Variants in ARHGEF28 observed in about 807,000 individuals in gnomAD.
ARHGEF28 encodes the protein Rho guanine nucleotide exchange factor 28.
A neutral mutation model predicts 206.6 loss-of-function variants in ARHGEF28; 152 were observed. That is an observed-to-expected ratio of 0.74 (90% CI 0.64 to 0.84). The LOEUF (loss-of-function observed/expected upper bound fraction) is 0.84, where lower values mean the gene tolerates loss of function less well. Among genes scored for constraint, ARHGEF28 ranks in the 40% least tolerant of loss-of-function variants. The probability of loss-of-function intolerance (pLI) is 0.00; values close to 1 mark genes in which losing one functional copy is unlikely to be tolerated. For synonymous variants in ARHGEF28, 763 were observed against 776.4 expected (o/e 0.98, Z 0.29); for missense variants, 2,028 against 2,073.2 (o/e 0.98, Z 0.42).
At chr5:73,792,482 A>G (rs1388054051) in intron 7 of ARHGEF28, among the ~76,000 whole-genome samples, 1 of 152,206 alleles carries the variant, frequency 6.6e-6, no homozygotes, top group African/African-American at 2.4e-5. Context: ...CTGTATGTAC[A>G]GAATTCTTTA....
At chr5:73,661,913 G>A (rs1580453825) in intron 1 of ARHGEF28, among the ~76,000 whole-genome samples, 2 of 152,238 alleles carry the variant, frequency 1.3e-5, no homozygotes, top group African/African-American at 2.4e-5. Flanking sequence ...GACACGAAGC[G>A]AGCACATGCT....
chr5:73,699,140 C>T (rs1561341704), intron 2 of ARHGEF28, among the ~76,000 whole-genome samples: 2 of 151,766 alleles, frequency 1.3e-5, no homozygotes, highest in East Asian at 3.9e-4. Context: ...GCCCTAGTTT[C>T]TCCCCTAGAG....
chr5:73,932,800 C>CTTTTTTT lies in ARHGEF28; in HGVS notation c.4949-8024_4949-8018dup, dbSNP rs386404110. ...GTTATACTACTTTTATTTCCTATTT[C>CTTTTTTT]TTTTTTTTTTTTTTTTTTTTTTTTT... On this transcript the variant is annotated intron_variant, in intron 35 of 35. Transcript: ENST00000513042. Among the ~76,000 whole-genome samples, 82 of 73,436 alleles carry CTTTTTTT rather than the reference C, an allele frequency of 1.1e-3. 2 individuals are homozygous for CTTTTTTT. Among genetic ancestry groups the CTTTTTTT allele is most frequent in the Non-Finnish European group, 1.2e-3 (50 of 40,144 alleles). The allele number at this position is 73,436 out of a possible 152,430, so 48.2% of individuals were successfully genotyped here.
intron 2 of ARHGEF28, among the ~76,000 whole-genome samples, chr5:73,739,594 G>A (rs529234343): frequency 1.4e-4 from 22 of 151,970 alleles, no homozygotes; most frequent in Admixed American, 2.6e-4. Flanking sequence ...TGAGGCGGGC[G>A]GATCGCTTGA....
chr5:73,865,958 T>C lies in ARHGEF28; in HGVS notation c.2104-7T>C. On this transcript the variant is annotated splice_region_variant and splice_polypyrimidine_tract_variant and intron_variant, in intron 17 of 35. Coordinates refer to ENST00000513042, the MANE Select transcript of ARHGEF28 (RefSeq NM_001177693.2). Reference sequence around the variant, plus strand: ...TTACTTTATGTGTTTCTAATATTCTTTACCAGAAATTCCAAGAGAAATATA... The same window carrying C: ...TTACTTTATGTGTTTCTAATATTCTCTACCAGAAATTCCAAGAGAAATATA... 1 of 1,580,566 alleles carries C rather than the reference T, an allele frequency of 6.3e-7. No individual in the cohort carries two copies. The highest frequency in any genetic ancestry group is 8.7e-7 in the Non-Finnish European group (1 of 1,153,528).
chr5:73,701,115 A>G (rs1748570504), intron 2 of ARHGEF28, among the ~76,000 whole-genome samples: 1 of 152,212 alleles, frequency 6.6e-6, no homozygotes, highest in Non-Finnish European at 1.5e-5. Flanking sequence ...TTAGCAGTAC[A>G]GTGTCCTCTT....
intron 1 of ARHGEF28, among the ~76,000 whole-genome samples, chr5:73,652,323 T>C (rs1349831629): frequency 6.6e-6 from 1 of 152,208 alleles, no homozygotes; most frequent in Non-Finnish European, 1.5e-5. Context: ...TATAGACTCA[T>C]CAGAGAGGGC....
chr5:73,780,561 C>T, intron 6 of ARHGEF28, 115 bp from the exon 7 acceptor site: 2 of 1,115,976 alleles, frequency 1.8e-6, no homozygotes, highest in Non-Finnish European at 2.5e-6. Context: ...CCCTCTATTT[C>T]CCAACCTCCT....
Position 73,790,370 on chromosome 5 carries a change from A to C in ARHGEF28, c.911-4032A>C, listed in dbSNP as rs142932968. ...ACACAAGTAATTTAAATGAAAAAAAACCTGTATTTTAAAGAAGATGTCTTA... is the reference window on the plus strand; with the variant it reads ...ACACAAGTAATTTAAATGAAAAAAACCCTGTATTTTAAAGAAGATGTCTTA... On this transcript the variant is annotated intron_variant, in intron 7 of 35. Coordinates refer to ENST00000513042, the MANE Select transcript of ARHGEF28 (RefSeq NM_001177693.2). Among the ~76,000 whole-genome samples, 1,151 of 152,258 alleles carry C rather than the reference A, an allele frequency of 7.6e-3. 22 individuals are homozygous for C. The highest frequency in any genetic ancestry group is 0.025 in the African/African-American group (1,056 of 41,572).
chr5:73,665,452 G>A (rs10447177), intron 1 of ARHGEF28, among the ~76,000 whole-genome samples: 1 of 152,154 alleles, frequency 6.6e-6, no homozygotes, highest in Non-Finnish European at 1.5e-5. Flanking sequence ...CTCCCAAGTA[G>A]TTGGGACTGC....
intron 6 of ARHGEF28, 90 bp from the exon 7 acceptor site, chr5:73,780,586 T>C: frequency 7.6e-7 from 1 of 1,311,580 alleles, no homozygotes; most frequent in Admixed American, 2.1e-5. Flanking sequence ...CTGAGATCAT[T>C]GATAGTGACT....
At chr5:73,880,561 G>A (rs938866605) in intron 22 of ARHGEF28, among the ~76,000 whole-genome samples, 6 of 152,184 alleles carry the variant, frequency 3.9e-5, no homozygotes, top group Non-Finnish European at 8.8e-5. Context: ...TTCCTATTCG[G>A]CCATCTTGTA....
At position 73,774,737 on chromosome 5, in the gene ARHGEF28, C is replaced by T. The variant is rs1252532868; in HGVS notation, c.659+699C>T. Among the ~76,000 whole-genome samples the T allele has an allele frequency of 3.3e-5, 5 of 152,064 alleles. No individual in the cohort carries two copies. The East Asian group carries it at 9.6e-4, about 29-fold the overall frequency. ...GGTTCAGGTCAGCCATTATTCTTAG[C>T]TTATGAAAGAAGGATTCATATATAG... is the stretch of plus-strand genomic sequence containing the variant. On this transcript the variant is annotated intron_variant, in intron 5 of 35. Coordinates refer to ENST00000513042, the MANE Select transcript of ARHGEF28 (RefSeq NM_001177693.2).
intron 29 of ARHGEF28, among the ~76,000 whole-genome samples, chr5:73,896,639 G>A (rs1469777209): frequency 1.3e-5 from 2 of 152,334 alleles, no homozygotes; most frequent in South Asian, 2.1e-4. Flanking sequence ...AGAAGAGGCC[G>A]AGGCAAGATA....
intron 7 of ARHGEF28, among the ~76,000 whole-genome samples, chr5:73,783,397 T>G (rs922151891): frequency 2.0e-5 from 3 of 150,680 alleles, no homozygotes; most frequent in African/African-American, 7.3e-5. Flanking sequence ...TGTGTGTGTG[T>G]GCGCGCTTCT....
intron 4 of ARHGEF28, among the ~76,000 whole-genome samples, chr5:73,763,833 G>A (rs60362978): frequency 6.6e-6 from 1 of 152,274 alleles, no homozygotes; most frequent in East Asian, 1.9e-4. Context: ...CCCAAAGCAT[G>A]GGATTACAGC....
At chr5:73,911,777 C>T in intron 35 of ARHGEF28, 1 of 583,894 alleles carries the variant, frequency 1.7e-6, no homozygotes, top group Admixed American at 3.1e-5. Context: ...ACAAGTGAGA[C>T]CATGGTCATA....
chr5:73,773,696 C>T (rs1753368372), intron 4 of ARHGEF28, among the ~76,000 whole-genome samples, 159 bp from the exon 5 acceptor site: 1 of 152,204 alleles, frequency 6.6e-6, no homozygotes, highest in Non-Finnish European at 1.5e-5. Context: ...TTGAACTCTC[C>T]AAATTTGTAA....
chr5:73,757,903 G>GTT (rs1752399490), intron 4 of ARHGEF28, among the ~76,000 whole-genome samples: 1 of 152,122 alleles, frequency 6.6e-6, no homozygotes, highest in South Asian at 2.1e-4. Context: ...TTGCTTGTTT[G>GTT]TTTTTTGAGC....
Sources: allele counts gnomAD v4.1 joint callset (sites outside exome capture counted in the v4.1 genomes callset), GRCh38; gene constraint gnomAD v4.1.1; transcripts MANE v1.5; gene names NCBI Gene and HGNC (gene_info 2026-07-23, HGNC 2026-07-21).